The following RASSF3 variants were observed in gnomAD, a reference collection of about 807,000 sequenced individuals.
The protein encoded by RASSF3 is Ras association domain family member 3.
In RASSF3, 19 loss-of-function variants were observed where a neutral mutation model predicts 19.9. That is an observed-to-expected ratio of 0.96 (90% CI 0.67 to 1.40). RASSF3 has a LOEUF of 1.40. Ranked by LOEUF, RASSF3 falls within the 40% of genes most tolerant of loss-of-function variation. The probability of loss-of-function intolerance (pLI) is 0.00; values close to 1 mark genes in which losing one functional copy is unlikely to be tolerated. For synonymous variants in RASSF3, 110 were observed against 104.2 expected, an observed-to-expected ratio of 1.06 and a Z score of -0.34; for missense variants, 306 against 289.8, an observed-to-expected ratio of 1.06 and a Z score of -0.41.
chr12:64,613,179 A>C (rs575417045), intron 1 of RASSF3, among the ~76,000 whole-genome samples: 1 of 152,050 alleles, frequency 6.6e-6, no homozygotes, highest in Admixed American at 6.6e-5. Context: ...CTTAATGTAG[A>C]ATGTTCCTTT....
chr12:64,563,253 G>A (rs913150698), intron 2 of RASSF3, among the ~76,000 whole-genome samples: 4 of 150,364 alleles, frequency 2.7e-5, no homozygotes, highest in East Asian at 1.9e-4. Flanking sequence ...TACAACCTCC[G>A]CCTCCCAGGT....
intron 1 of RASSF3, among the ~76,000 whole-genome samples, chr12:64,612,046 A>C (rs1225283867): frequency 6.6e-6 from 1 of 152,130 alleles, no homozygotes; most frequent in Non-Finnish European, 1.5e-5. Flanking sequence ...TTTACGAGTC[A>C]CTTTGAGTGG....
At chr12:64,678,289 A>G (rs1468789195) in intron 1 of RASSF3, among the ~76,000 whole-genome samples, 1 of 152,260 alleles carries the variant, frequency 6.6e-6, no homozygotes, top group African/African-American at 2.4e-5. Context: ...TCTGTTGGTC[A>G]TCAGCAGGTG....
intron 1 of RASSF3, among the ~76,000 whole-genome samples, chr12:64,674,745 G>A (rs557755066): frequency 3.2e-4 from 48 of 152,252 alleles, no homozygotes; most frequent in African/African-American, 1.1e-3. Context: ...TGGTTAGGAC[G>A]GCTTCCTGGG....
At position 64,509,166 on chromosome 12, in the gene RASSF3, A is replaced by T. The variant is rs559918327; in HGVS notation, c.169+1837A>T. The stretch of plus-strand genomic sequence containing the variant: ...TTGCTTCATTTTAAAGATAAGCAAA[A>T]AGGCCAGGGGCGGTGGCTCATGCTT... On this transcript the variant is annotated intron_variant, in intron 1 of 5. Transcript: ENST00000637125. 1.5e-3 allele frequency among the ~76,000 whole-genome samples: 222 copies of T among 152,076 alleles called. 1 individual carries two copies. The highest frequency in any genetic ancestry group is 2.8e-3 in the Non-Finnish European group (188 of 67,962).
At chr12:64,626,502 AAAAG>A (rs1870999627) in intron 1 of RASSF3, among the ~76,000 whole-genome samples, 1 of 151,688 alleles carries the variant, frequency 6.6e-6, no homozygotes, top group Non-Finnish European at 1.5e-5. Flanking sequence ...AAAAAAAAAA[AAAAG>A]AAAAAAAAAG....
chr12:64,576,024 G>T (rs1165986726), intron 2 of RASSF3, among the ~76,000 whole-genome samples: 3 of 151,722 alleles, frequency 2.0e-5, no homozygotes, highest in Non-Finnish European at 4.4e-5. Flanking sequence ...CAAGTAGCTG[G>T]GATTACAGGC....
chr12:64,591,253 G>T (rs139986565), intron 2 of RASSF3, among the ~76,000 whole-genome samples: 86 of 152,234 alleles, frequency 5.6e-4, no homozygotes, highest in Non-Finnish European at 9.7e-4. Flanking sequence ...GAGGCAGGCG[G>T]ATCACGAGGT....
upstream of RASSF3, among the ~76,000 whole-genome samples, chr12:64,608,711 C>A (rs1870237957): frequency 6.6e-6 from 1 of 152,200 alleles, no homozygotes; most frequent in Non-Finnish European, 1.5e-5. Context: ...AAGCCCTTAA[C>A]CTACACATTA....
At chr12:64,576,790 G>A (rs116160517) in intron 2 of RASSF3, among the ~76,000 whole-genome samples, 2,412 of 148,086 alleles carry the variant, frequency 0.016, 54 homozygotes, top group African/African-American at 0.056. Flanking sequence ...GGTTGAGGCT[G>A]TAGTGAGCCA....
chr12:64,659,986 G>A (rs1185728914), intron 1 of RASSF3, among the ~76,000 whole-genome samples: 1 of 144,942 alleles, frequency 6.9e-6, no homozygotes, highest in East Asian at 2.0e-4. Context: ...GTGTGTGTAT[G>A]TATGTGTATA....
intron 1 of RASSF3, among the ~76,000 whole-genome samples, chr12:64,660,581 C>T (rs1489945745): frequency 6.6e-6 from 1 of 152,106 alleles, no homozygotes; most frequent in East Asian, 1.9e-4. Flanking sequence ...AGGAGAAGGT[C>T]ACAAAATCTT....
At chr12:64,689,945 C>T (rs993672520) in intron 3 of RASSF3, among the ~76,000 whole-genome samples, 4 of 151,040 alleles carry the variant, frequency 2.6e-5, no homozygotes, top group East Asian at 2.0e-4. Flanking sequence ...CCCGCCACCA[C>T]GTCTGGCTAA....
chr12:64,637,985 C>G (rs1286883216), intron 1 of RASSF3, among the ~76,000 whole-genome samples: 1 of 151,868 alleles, frequency 6.6e-6, no homozygotes, highest in Non-Finnish European at 1.5e-5. Flanking sequence ...GCATGTGCCA[C>G]CACGCCCAGC....
At chr12:64,684,431 G>GTTTTTTT (rs146721078) in intron 1 of RASSF3, among the ~76,000 whole-genome samples, 1 of 121,504 alleles carries the variant, frequency 8.2e-6, no homozygotes, top group Non-Finnish European at 1.7e-5. Flanking sequence ...TTGTTTGTTT[G>GTTTTTTT]TTTGTTTTTT....
chr12:64,639,866 C>T (rs1399905684), intron 1 of RASSF3, among the ~76,000 whole-genome samples: 1 of 152,208 alleles, frequency 6.6e-6, no homozygotes, highest in East Asian at 1.9e-4. Context: ...AATAAGAGAG[C>T]CACTTCTGGT....
chr12:64,590,587 C>A (rs1312236904), intron 2 of RASSF3, among the ~76,000 whole-genome samples: 1 of 152,176 alleles, frequency 6.6e-6, no homozygotes, highest in Non-Finnish European at 1.5e-5. Context: ...TAAAGGTGAT[C>A]TCTCTAATAT....
At chr12:64,517,373 G>A (rs933614306) in intron 1 of RASSF3, among the ~76,000 whole-genome samples, 1 of 151,662 alleles carries the variant, frequency 6.6e-6, no homozygotes, top group Non-Finnish European at 1.5e-5. Context: ...TATTTTGGGG[G>A]AAACAAAATA....
Position 64,640,051 on chromosome 12 carries a change from G to T in RASSF3, c.111+29308G>T. On this transcript the variant is annotated intron_variant, in intron 1 of 4. Coordinates refer to ENST00000542104, the MANE Select transcript of RASSF3 (RefSeq NM_178169.4). The stretch of plus-strand genomic sequence containing the variant: ...TGTTTAATTCATGTGAGGCCTCAGA[G>T]GGTCTTTTATATTCTCTGCTTTCCA... 1.3e-5 allele frequency among the ~76,000 whole-genome samples: 2 copies of T among 152,332 alleles called. 1 individual carries two copies. The highest frequency in any genetic ancestry group is 4.1e-4 in the South Asian group (2 of 4,830).
Sources: gnomAD v4.1 joint callset for allele counts (sites outside exome capture counted in the v4.1 genomes callset) on GRCh38, gnomAD v4.1.1 for gene constraint, MANE v1.5 for transcripts, NCBI Gene and HGNC (gene_info 2026-07-23, HGNC 2026-07-21) for gene names.